The following YWHAH variants were observed in gnomAD, a reference collection of about 807,000 sequenced individuals.
YWHAH encodes the protein 14-3-3 protein eta.
Under a neutral mutation model 22.9 loss-of-function variants are expected in YWHAH, and 6 were observed. That is an observed-to-expected ratio of 0.26 (90% CI 0.14 to 0.52). YWHAH has a LOEUF of 0.52. Ranked by LOEUF, YWHAH falls within the 20% of genes least tolerant of loss-of-function variation. The pLI is 0.97. For missense variants in YWHAH, 173 were observed against 308.6 expected (o/e 0.56, Z 3.29); for synonymous variants, 135 against 124.5 (o/e 1.08, Z -0.56).
chr22:31,944,901 C>G (rs879480495), intron 1 of YWHAH, 81 bp downstream of exon 1: 1 of 1,180,286 alleles, frequency 8.5e-7, no homozygotes, highest in Non-Finnish European at 1.1e-6. Flanking sequence ...GGGCGCGTTC[C>G]CCTCCCGGCC....
chr22:31,945,839 C>T (rs935286185), intron 1 of YWHAH, among the ~76,000 whole-genome samples: 2 of 152,142 alleles, frequency 1.3e-5, no homozygotes, highest in African/African-American at 2.4e-5. Context: ...GAGACTCAGA[C>T]ATCTGCATTG....
At chr22:31,945,825 C>A in intron 1 of YWHAH, 1 of 580,920 alleles carries the variant, frequency 1.7e-6, no homozygotes, top group Non-Finnish European at 2.4e-6. Context: ...GAAATTCGGG[C>A]GGTGAGACTC....
chr22:31,956,139 G>A lies in YWHAH; in HGVS notation c.88G>A (p.Val30Met), dbSNP rs1259819917. 1 of 1,577,204 alleles carries A rather than the reference G, an allele frequency of 6.3e-7. No homozygotes were observed. Among genetic ancestry groups the A allele is most frequent in the African/African-American group, 1.4e-5 (1 of 72,994 alleles). The change falls in exon 2 of 2, where the codon GTG (valine) becomes ATG (methionine). Residue 30 changes from valine (V) to methionine (M), a missense_variant and splice_region_variant. Val to Met is a conservative substitution (Grantham distance 21). Coordinates refer to ENST00000248975, the MANE Select transcript of YWHAH (RefSeq NM_003405.4). The surrounding 1 kb of genome is among the most constrained non-coding windows in gnomAD (Gnocchi z 5.1). ...YDDMASAMKA[V>M]TELNEPLSNE... ...TGTTTATCTTTTTGGGGTTTTGCAG[G>A]TGACAGAGCTGAATGAACCTCTCTC... is the stretch of plus-strand genomic sequence containing the variant.
intron 1 of YWHAH, among the ~76,000 whole-genome samples, chr22:31,949,136 C>CTTTTTTTTT (rs760273556): frequency 2.5e-4 from 25 of 99,034 alleles, no homozygotes; most frequent in Non-Finnish European, 3.7e-4. Flanking sequence ...ACATATTTTA[C>CTTTTTTTTT]TTTTTTTTTT....
Position 31,944,744 on chromosome 22 carries a change from G to A in YWHAH, c.11G>A (p.Arg4Gln). Residue 4 changes from arginine (R) to glutamine (Q), a missense_variant, in exon 1 of 2, where the codon CGG (arginine) becomes CAG (glutamine). Coordinates refer to ENST00000248975, the MANE Select transcript of YWHAH (RefSeq NM_003405.4). MGDREQLLQRARLA... is the reference protein window; with the variant it reads MGDQEQLLQRARLA... Reference sequence around the variant, plus strand: ...CGAGCCGCGAGCGACATGGGGGACCGGGAGCAGCTGCTGCAGCGGGCGCGG... The same window carrying A: ...CGAGCCGCGAGCGACATGGGGGACCAGGAGCAGCTGCTGCAGCGGGCGCGG... 1 of 1,413,568 alleles carries A rather than the reference G, an allele frequency of 7.1e-7. No homozygotes were observed. The highest frequency in any genetic ancestry group is 9.3e-7 in the Non-Finnish European group (1 of 1,077,124). The allele number at this position is 1,413,568 out of a possible 1,614,324, so 87.6% of individuals were successfully genotyped here.
intron 1 of YWHAH, chr22:31,945,342 C>G (rs1432510773): frequency 3.8e-5 from 47 of 1,245,040 alleles, no homozygotes; most frequent in Non-Finnish European, 4.6e-5. Flanking sequence ...CATCTTCCCA[C>G]GCCTGGGGGT....
chr22:31,956,022 G>T lies in YWHAH; in HGVS notation c.88-117G>T. ...ATGGGTGGTTTTTATTCTCCAGAGT[G>T]ACTGACCTGTTCGTAATTCCGTTCT... On this transcript the variant is annotated intron_variant, in intron 1 of 1. Transcript: ENST00000248975. The surrounding 1 kb of genome is among the most constrained non-coding windows in gnomAD (Gnocchi z 5.1). 1 of 1,218,468 alleles carries T rather than the reference G, an allele frequency of 8.2e-7. No individual in the cohort carries two copies. The highest frequency in any genetic ancestry group is 1.5e-5 in the South Asian group (1 of 65,236). The allele number at this position is 1,218,468 out of a possible 1,614,324, so 75.5% of individuals were successfully genotyped here.
rs2093849184 is a variant in YWHAH at position 31,956,034 on chromosome 22, C to T, written c.88-105C>T. ...TATTCTCCAGAGTGACTGACCTGTT[C>T]GTAATTCCGTTCTTGAGAAGGATTG... On this transcript the variant is annotated intron_variant, in intron 1 of 1. Coordinates refer to ENST00000248975, the MANE Select transcript of YWHAH (RefSeq NM_003405.4). This position sits in a 1 kb window ranked among gnomAD's most constrained non-coding sequence, Gnocchi z 5.1. 5.9e-6 allele frequency: 8 copies of T among 1,357,764 alleles called. No homozygotes were observed. The highest frequency in any genetic ancestry group is 7.0e-6 in the Non-Finnish European group (7 of 995,846). The allele number at this position is 1,357,764 out of a possible 1,614,324, so 84.1% of individuals were successfully genotyped here.
chr22:31,944,894 C>A (rs1336891598), intron 1 of YWHAH, 74 bp downstream of exon 1: 3 of 1,194,066 alleles, frequency 2.5e-6, no homozygotes, highest in Admixed American at 4.5e-5. Context: ...TGGCCGCGGG[C>A]GCGTTCCCCT....
chr22:31,950,419 G>T, intron 1 of YWHAH: 1 of 779,222 alleles, frequency 1.3e-6, no homozygotes. Context: ...TCCCTTCTGC[G>T]GTGGTGAGTG....
intron 1 of YWHAH, chr22:31,945,665 A>G (rs935232872): frequency 1.6e-6 from 2 of 1,271,494 alleles, no homozygotes; most frequent in Non-Finnish European, 2.0e-6. Flanking sequence ...TCTCCACGTT[A>G]TTTTACGTTT....
intron 1 of YWHAH, 139 bp downstream of exon 1, chr22:31,944,959 A>T (rs528833448): frequency 6.8e-4 from 765 of 1,118,852 alleles, no homozygotes; most frequent in Middle Eastern, 4.9e-3. Flanking sequence ...GCCCGCCCTT[A>T]GCCCGCGCTT....
At chr22:31,955,092 C>T (rs1569276856) in intron 1 of YWHAH, among the ~76,000 whole-genome samples, 1 of 152,230 alleles carries the variant, frequency 6.6e-6, no homozygotes, top group Non-Finnish European at 1.5e-5. Context: ...CCAGAGTTTC[C>T]TGTGAGGTAG....
chr22:31,947,165 A>G (rs1232915217), intron 1 of YWHAH, among the ~76,000 whole-genome samples: 1 of 152,026 alleles, frequency 6.6e-6, no homozygotes, highest in Non-Finnish European at 1.5e-5. Context: ...AGTTTCAGTA[A>G]CCCTCTGGGT....
Position 31,944,775 on chromosome 22 carries a change from C to T in YWHAH, c.42C>T (p.Ala14=), listed in dbSNP as rs1179700665. 9 of 1,423,206 alleles carry T rather than the reference C, an allele frequency of 6.3e-6. No individual in the cohort carries two copies. Among genetic ancestry groups the T allele is most frequent in the African/African-American group, 1.5e-5 (1 of 67,006 alleles). 88.2% of individuals were successfully genotyped at this position (1,423,206 alleles called of 1,614,324 possible). Residue 14 remains alanine, a synonymous_variant, in exon 1 of 2, where the codon GCC becomes GCT. Coordinates refer to ENST00000248975, the MANE Select transcript of YWHAH (RefSeq NM_003405.4). The stretch of plus-strand genomic sequence containing the variant: ...AGCTGCTGCAGCGGGCGCGGCTGGC[C>T]GAGCAGGCGGAGCGCTACGACGACA... ...REQLLQRARL[A]EQAERYDDMA...
chr22:31,946,861 GA>G (rs577597903), intron 1 of YWHAH, among the ~76,000 whole-genome samples: 43 of 152,176 alleles, frequency 2.8e-4, no homozygotes, highest in Non-Finnish European at 5.1e-4. Flanking sequence ...ATCTATATTT[GA>G]AATAATTAAT....
intron 1 of YWHAH, 81 bp downstream of exon 1, chr22:31,944,901 C>T (rs879480495): frequency 1.5e-5 from 18 of 1,180,290 alleles, no homozygotes; most frequent in African/African-American, 6.5e-5. Context: ...GGGCGCGTTC[C>T]CCTCCCGGCC....
chr22:31,947,411 C>T (rs1189606478), intron 1 of YWHAH: 1 of 469,912 alleles, frequency 2.1e-6, no homozygotes, highest in South Asian at 1.6e-5. Context: ...AATTAAAATG[C>T]TCACTTGATA....
rs1295074023 is a variant in YWHAH at position 31,957,077 on chromosome 22, G to A, written c.*285G>A. 3 of 309,974 alleles carry A rather than the reference G, an allele frequency of 9.7e-6. No homozygotes were observed. The highest frequency in any genetic ancestry group is 2.1e-5 in the African/African-American group (1 of 46,650). The allele number at this position is 309,974 out of a possible 1,614,324, so 19.2% of individuals were successfully genotyped here. On this transcript the variant is annotated 3_prime_UTR_variant, in exon 2 of 2. Transcript: ENST00000248975. ...CTGTTGATCTATGGGAAATCTAGGC[G>A]AAAGTAATGGGGAAGATTAGAAAGA...
Sources: gnomAD v4.1 joint callset for allele counts (sites outside exome capture counted in the v4.1 genomes callset) on GRCh38, gnomAD v4.1.1 for gene constraint, Gnocchi (gnomAD v3.1) non-coding constraint, MANE v1.5 for transcripts, NCBI Gene and HGNC (gene_info 2026-07-23, HGNC 2026-07-21) for gene names.